GIGYF2: variants seen among roughly 807,000 people sequenced by gnomAD.
The protein encoded by GIGYF2 is GRB10 interacting GYF protein 2.
Under a neutral mutation model 208.1 loss-of-function variants are expected in GIGYF2, and 25 were observed. The ratio of observed to expected loss-of-function variants is 0.12; its 90% CI spans 0.09 to 0.17. GIGYF2 has a LOEUF of 0.17. Ranked by LOEUF, GIGYF2 falls within the 10% of genes least tolerant of loss-of-function variation. The pLI, the probability that GIGYF2 is intolerant of heterozygous loss-of-function variation, is 1.00. For missense variants in GIGYF2, 1,302 were observed against 1,579.4 expected (o/e 0.82, Z 2.98); for synonymous variants, 534 against 543.8 (o/e 0.98, Z 0.25).
At chr2:232,827,952 G>A (rs1014428364) in intron 21 of GIGYF2, among the ~76,000 whole-genome samples, 1 of 151,850 alleles carries the variant, frequency 6.6e-6, no homozygotes, top group Non-Finnish European at 1.5e-5. Context: ...TTTGAGAATG[G>A]GTTATTTAAT....
At chr2:232,715,389 A>G (rs1173026416) in intron 2 of GIGYF2, among the ~76,000 whole-genome samples, 3 of 152,194 alleles carry the variant, frequency 2.0e-5, no homozygotes, top group Non-Finnish European at 4.4e-5. Flanking sequence ...TAAATTAGAA[A>G]TTTAAATTCC....
chr2:232,756,197 CTTTTT>C (rs759525243), intron 5 of GIGYF2, 21 bp from the exon 6 acceptor site: 1,654 of 705,878 alleles, frequency 2.3e-3, no homozygotes, highest in Middle Eastern at 3.7e-3. Context: ...TCCTTTTTCT[CTTTTT>C]TTTTTTTTTT....
intron 4 of GIGYF2, among the ~76,000 whole-genome samples, chr2:232,748,500 G>A (rs529073594): frequency 6.6e-6 from 1 of 152,262 alleles, no homozygotes; most frequent in South Asian, 2.1e-4. Flanking sequence ...GGCCAGGCTG[G>A]TCTCCAACTT....
At chr2:232,811,427 T>C (rs1326357331) in intron 17 of GIGYF2, 76 bp downstream of exon 17, 1 of 886,454 alleles carries the variant, frequency 1.1e-6, no homozygotes, top group Non-Finnish European at 1.9e-6. Flanking sequence ...GAAATTCTGG[T>C]ATAGTGTGTG....
chr2:232,846,470 G>A (rs1258307047), intron 26 of GIGYF2, among the ~76,000 whole-genome samples: 1 of 152,130 alleles, frequency 6.6e-6, no homozygotes, highest in Non-Finnish European at 1.5e-5. Flanking sequence ...TGGTCAACAT[G>A]TCAGGATTCC....
At chr2:232,819,387 T>C (rs10207739) in intron 20 of GIGYF2, among the ~76,000 whole-genome samples, 20,541 of 152,150 alleles carry the variant, frequency 0.14, 1,778 homozygotes, top group Non-Finnish European at 0.18. Flanking sequence ...GCTTTACTCA[T>C]TACTTCTGAC....
At position 232,860,282 on chromosome 2, in the gene GIGYF2, C is replaced by T. The variant is rs1690726016; in HGVS notation, c.*3422C>T. On this transcript the variant is annotated 3_prime_UTR_variant, in exon 29 of 29. Coordinates refer to ENST00000373563, the MANE Select transcript of GIGYF2 (RefSeq NM_001103146.3). ...AAGTAGCTGGGACTACAGCTATGTG[C>T]CAGTGCACCCAGCTTGTTTTTTTTA... is the stretch of plus-strand genomic sequence containing the variant. 2 of 151,896 alleles carry T rather than the reference C, an allele frequency of 1.3e-5. No homozygotes were observed. The highest frequency in any genetic ancestry group is 6.6e-5 in the Admixed American group (1 of 15,184). The allele number at this position is 151,896 out of a possible 1,614,324, so 9.4% of individuals were successfully genotyped here. A position where few individuals can be genotyped will look rare whatever the true frequency, so the allele number is the denominator to read the frequency against.
In GIGYF2 at chr2:232,794,608, T is replaced by C. The variant is rs1282826279; in HGVS notation, c.1283-140T>C. 9 of 732,956 alleles carry C rather than the reference T, an allele frequency of 1.2e-5. No individual in the cohort carries two copies. The East Asian group carries it at 1.2e-4, about 10-fold the overall frequency. 45.4% of individuals were successfully genotyped at this position (732,956 alleles called of 1,614,324 possible). A position where few individuals can be genotyped will look rare whatever the true frequency, so the allele number is the denominator to read the frequency against. On this transcript the variant is annotated intron_variant, in intron 12 of 28. Coordinates refer to ENST00000373563, the MANE Select transcript of GIGYF2 (RefSeq NM_001103146.3). ...TAGGAAGGAATATTACGTTTCTCCA[T>C]AGAAGTAGCTTCACTGTTCATGACA...
chr2:232,850,011 G>GTCTGGT (rs1690251217), intron 27 of GIGYF2, among the ~76,000 whole-genome samples: 1 of 152,156 alleles, frequency 6.6e-6, no homozygotes, highest in Non-Finnish European at 1.5e-5. Context: ...CAGCAGGGTG[G>GTCTGGT]AAACCCAGAG....
Position 232,734,182 on chromosome 2 carries a change from C to T in GIGYF2, c.-43-973C>T, listed in dbSNP as rs538862019. Among the ~76,000 whole-genome samples the T allele has an allele frequency of 8.1e-5, 12 of 148,872 alleles. No homozygotes were observed. The East Asian group carries it at 2.4e-3, about 29-fold the overall frequency. ...CCAATCCAGTCTTGAACTCCTGGGC[C>T]CAAGCCGTCTGCCTGGCTTGGCCTC... On this transcript the variant is annotated intron_variant, in intron 2 of 28. Transcript: ENST00000373563.
At chr2:232,763,222 C>T (rs377734937) in intron 8 of GIGYF2, among the ~76,000 whole-genome samples, 1 of 151,806 alleles carries the variant, frequency 6.6e-6, no homozygotes, top group Non-Finnish European at 1.5e-5. Context: ...TTAAAGAGTA[C>T]AGGATTTGCA....
chr2:232,706,285 G>T (rs1467391000), intron 2 of GIGYF2, among the ~76,000 whole-genome samples: 4 of 152,112 alleles, frequency 2.6e-5, no homozygotes, highest in East Asian at 1.9e-4. Flanking sequence ...TTAAATCTGG[G>T]TGTTGACATA....
intron 3 of GIGYF2, among the ~76,000 whole-genome samples, chr2:232,744,829 G>A (rs1300919373): frequency 6.6e-6 from 1 of 152,066 alleles, no homozygotes; most frequent in Non-Finnish European, 1.5e-5. Flanking sequence ...ACCTGCAACC[G>A]GTCAATTGTG....
chr2:232,756,075 A>G, intron 5 of GIGYF2, 148 bp from the exon 6 acceptor site: 1 of 601,570 alleles, frequency 1.7e-6, no homozygotes, highest in South Asian at 2.2e-5. Flanking sequence ...TTGTGCAGTT[A>G]TGGTTTTCCA....
At chr2:232,746,361 G>T (rs1193424963) in intron 3 of GIGYF2, among the ~76,000 whole-genome samples, 1 of 152,060 alleles carries the variant, frequency 6.6e-6, no homozygotes, top group East Asian at 1.9e-4. Flanking sequence ...TAATTTAGTA[G>T]ATTATTCCCT....
At chr2:232,756,195 C>CTTTTTTTTTTTTTTTTTTTTTTT in intron 5 of GIGYF2, 28 bp from the exon 6 acceptor site, 1 of 1,023,764 alleles carries the variant, frequency 9.8e-7, no homozygotes, top group East Asian at 2.7e-5. Flanking sequence ...TTTCCTTTTT[C>CTTTTTTTTTTTTTTTTTTTTTTT]TCTTTTTTTT....
intron 22 of GIGYF2, among the ~76,000 whole-genome samples, chr2:232,838,209 T>TATATACCTAGAA (rs1701709026): frequency 6.6e-6 from 1 of 152,118 alleles, no homozygotes; most frequent in Non-Finnish European, 1.5e-5. Flanking sequence ...ATATAGAGTA[T>TATATACCTAGAA]ATATTTTGTG....
At chr2:232,776,698 A>T (rs1699529370) in intron 8 of GIGYF2, 5 of 519,698 alleles carry the variant, frequency 9.6e-6, no homozygotes, top group Non-Finnish European at 1.0e-5. Flanking sequence ...CTGGTTTGTT[A>T]GGAGGTCTTT....
At chr2:232,697,820 C>G (rs546102895) in intron 1 of GIGYF2, among the ~76,000 whole-genome samples, 26 of 152,356 alleles carry the variant, frequency 1.7e-4, no homozygotes, top group African/African-American at 5.8e-4. Context: ...TCGGGGTGGC[C>G]CGGTAACAGC....
Sources: allele counts gnomAD v4.1 joint callset (sites outside exome capture counted in the v4.1 genomes callset), GRCh38; gene constraint gnomAD v4.1.1; transcripts MANE v1.5; gene names NCBI Gene and HGNC (gene_info 2026-07-23, HGNC 2026-07-21).